Variants in RAB11FIP4 observed in about 807,000 individuals in gnomAD.
RAB11FIP4 encodes RAB11 family interacting protein 4.
RAB11FIP4 carries 23 observed loss-of-function variants against 74.3 expected under a neutral mutation model. The observed-to-expected ratio is 0.31, with a 90% confidence interval of 0.22 to 0.44. The LOEUF (loss-of-function observed/expected upper bound fraction) is 0.44. Ranked by LOEUF, RAB11FIP4 falls within the 20% of genes least tolerant of loss-of-function variation. RAB11FIP4 has a pLI of 1.00. For missense variants in RAB11FIP4, 630 were observed against 863.9 expected, an observed-to-expected ratio of 0.73 and a Z score of 3.39; for synonymous variants, 360 against 359.9, an observed-to-expected ratio of 1.00 and a Z score of 0.00.
chr17:31,487,994 C>T lies in RAB11FIP4; in HGVS notation c.337-29657C>T, dbSNP rs892374524. On this transcript the variant is annotated intron_variant, in intron 3 of 14. Transcript: ENST00000621161. ...CCCGCCCCGCCCCGGCGCGAGGCCC[C>T]GCCCCCGAGTCCCGGGGCCCAGGCG... is the stretch of plus-strand genomic sequence containing the variant. 33 of 995,462 alleles carry T rather than the reference C, an allele frequency of 3.3e-5. No individual in the cohort carries two copies. The African/African-American group carries it at 5.6e-4, about 17-fold the overall frequency. The allele number at this position is 995,462 out of a possible 1,614,324, so 61.7% of individuals were successfully genotyped here.
chr17:31,392,132 T>G, intron 1 of RAB11FIP4, 121 bp downstream of exon 1: 3 of 625,602 alleles, frequency 4.8e-6, no homozygotes, highest in Non-Finnish European at 6.0e-6. Flanking sequence ...CCCAATCCCC[T>G]CCCTCCGCCG....
intron 10 of RAB11FIP4, chr17:31,526,090 T>G (rs2072762294): frequency 6.6e-6 from 1 of 152,288 alleles, no homozygotes; most frequent in African/African-American, 2.4e-5. Context: ...CTCCCCGGTG[T>G]CTGAGACCTG....
intron 3 of RAB11FIP4, among the ~76,000 whole-genome samples, chr17:31,468,589 G>A (rs2071707853): frequency 2.0e-5 from 3 of 152,086 alleles, no homozygotes; most frequent in African/African-American, 7.2e-5. Flanking sequence ...CCAGCACTTT[G>A]GGAGGCCGAG....
At chr17:31,516,953 CCAAT>C (rs1187175978) in intron 3 of RAB11FIP4, among the ~76,000 whole-genome samples, 1 of 151,868 alleles carries the variant, frequency 6.6e-6, no homozygotes, top group Non-Finnish European at 1.5e-5. Context: ...CAGGAGGGGA[CCAAT>C]CAGAGGCCAA....
intron 3 of RAB11FIP4, among the ~76,000 whole-genome samples, chr17:31,493,068 A>AGCCCAGAACC (rs1437721048): frequency 6.6e-6 from 1 of 152,186 alleles, no homozygotes; most frequent in Admixed American, 6.5e-5. Flanking sequence ...AGTGACCTCC[A>AGCCCAGAACC]GCCCAGAACC....
rs200972268 is a variant in RAB11FIP4, at chr17:31,536,935, CGT to C, written c.*5204_*5205del. On this transcript the variant is annotated 3_prime_UTR_variant, in exon 15 of 15. Transcript: ENST00000621161. ...CCATATGACCTCCCTGCCCCGACCT[CGT>C]AGGTTGCTCCTTTCCCCATCTGTAA... 2.5e-6 allele frequency: 1 copy of C among 399,078 alleles called. No homozygotes were observed. Among genetic ancestry groups the C allele is most frequent in the Non-Finnish European group, 4.4e-6 (1 of 226,120 alleles). 24.7% of individuals were successfully genotyped at this position (399,078 alleles called of 1,614,324 possible). A position where few individuals can be genotyped will look rare whatever the true frequency, so the allele number is the denominator to read the frequency against.
intron 1 of RAB11FIP4, among the ~76,000 whole-genome samples, chr17:31,410,020 T>G (rs2071078383): frequency 1.3e-5 from 2 of 152,174 alleles, no homozygotes. Flanking sequence ...TGACCTGGGA[T>G]GGGCCTCTGT....
chr17:31,417,263 C>T (rs1289038383), intron 1 of RAB11FIP4, among the ~76,000 whole-genome samples: 4 of 152,064 alleles, frequency 2.6e-5, no homozygotes, highest in Non-Finnish European at 5.9e-5. Context: ...AGGATCTGGC[C>T]CCAGCACCTG....
At position 31,514,050 on chromosome 17, in the gene RAB11FIP4, G is replaced by T. The variant is rs2072501173; in HGVS notation, c.337-3601G>T. ...CTTGCTGAAGGGCTGGGCAGATGTG[G>T]ACTCTGCTTAGTCCAAGGCTGAAAG... On this transcript the variant is annotated intron_variant, in intron 3 of 14. Transcript: ENST00000621161. 2.0e-5 allele frequency among the ~76,000 whole-genome samples: 3 copies of T among 152,268 alleles called. No homozygotes were observed. The South Asian group carries it at 6.2e-4, about 31-fold the overall frequency.
rs1419946427 is a variant in RAB11FIP4, at chr17:31,391,874, T to C, written c.22T>C (p.Ser8Pro). Residue 8 changes from serine (S) to proline (P), a missense_variant, in exon 1 of 15, where the codon TCG becomes CCG. Physicochemically the swap from Ser to Pro is moderately conservative, Grantham distance 74. Coordinates refer to ENST00000621161, the MANE Select transcript of RAB11FIP4 (RefSeq NM_032932.6). ...CCGGATGGCGGGCGGCGCGGGCTGGTCGGGCGCCCCCGCGGCTCTGCTGCG... is the reference window on the plus strand; with the variant it reads ...CCGGATGGCGGGCGGCGCGGGCTGGCCGGGCGCCCCCGCGGCTCTGCTGCG... Reference protein sequence around the residue: MAGGAGWSGAPAALLRSV... With the variant: MAGGAGWPGAPAALLRSV... The C allele has an allele frequency of 1.7e-6, 2 of 1,175,354 alleles. No individual in the cohort carries two copies. The highest frequency in any genetic ancestry group is 2.1e-6 in the Non-Finnish European group (2 of 955,114). 72.8% of individuals were successfully genotyped at this position (1,175,354 alleles called of 1,614,324 possible).
At chr17:31,454,142 G>C (rs913938362) in intron 3 of RAB11FIP4, among the ~76,000 whole-genome samples, 3 of 152,154 alleles carry the variant, frequency 2.0e-5, no homozygotes, top group Non-Finnish European at 4.4e-5. Flanking sequence ...AACCACACCT[G>C]CCGAGCCAGA....
intron 1 of RAB11FIP4, among the ~76,000 whole-genome samples, chr17:31,417,463 T>C (rs1469443098): frequency 6.6e-6 from 1 of 152,198 alleles, no homozygotes; most frequent in Admixed American, 6.5e-5. Flanking sequence ...TGTCTTCTAT[T>C]GTGGCTGCTA....
rs2072997145 is a variant in RAB11FIP4, at chr17:31,538,049, C to T, written c.*6317C>T. On this transcript the variant is annotated 3_prime_UTR_variant, in exon 15 of 15. Transcript: ENST00000621161. Reference sequence around the variant, plus strand: ...TGGGGTGGGACCTGCCCTGTGGGCCCCAGGGAGGGGACAGTGGGGGTGAGG... The same window carrying T: ...TGGGGTGGGACCTGCCCTGTGGGCCTCAGGGAGGGGACAGTGGGGGTGAGG... The T allele has an allele frequency of 1.3e-5, 2 of 152,296 alleles. No individual in the cohort carries two copies. Among genetic ancestry groups the T allele is most frequent in the African/African-American group, 4.8e-5 (2 of 41,432 alleles). 9.4% of individuals were successfully genotyped at this position (152,296 alleles called of 1,614,324 possible).
chr17:31,475,643 A>AT (rs2071783914), intron 3 of RAB11FIP4, among the ~76,000 whole-genome samples: 2 of 152,140 alleles, frequency 1.3e-5, no homozygotes, highest in Non-Finnish European at 2.9e-5. Flanking sequence ...ATTTGCAAAC[A>AT]TTCTCACGGT....
At chr17:31,530,591 C>A in intron 14 of RAB11FIP4, 122 bp downstream of exon 14, 1 of 1,297,236 alleles carries the variant, frequency 7.7e-7, no homozygotes, top group Non-Finnish European at 1.1e-6. Context: ...CCATCTACAG[C>A]TACCCCACAT....
chr17:31,472,383 C>G (rs1438939327), intron 3 of RAB11FIP4, among the ~76,000 whole-genome samples: 2 of 152,164 alleles, frequency 1.3e-5, no homozygotes, highest in Non-Finnish European at 2.9e-5. Flanking sequence ...GGCAGCCAAG[C>G]TGGGCCTTAC....
At chr17:31,445,562 ATATATATATATATATATTTTTTTTTTTT>A (rs1405206877) in intron 3 of RAB11FIP4, among the ~76,000 whole-genome samples, 12 of 17,418 alleles carry the variant, frequency 6.9e-4, no homozygotes, top group African/African-American at 1.5e-3. Flanking sequence ...ATATATATAT[ATATATATATATATATATTTTTTTTTTTT>A]TTTTTTTTTT....
chr17:31,459,685 T>C (rs948093736), intron 3 of RAB11FIP4, among the ~76,000 whole-genome samples: 4 of 151,962 alleles, frequency 2.6e-5, no homozygotes, highest in African/African-American at 7.3e-5. Flanking sequence ...AATTCCCTGT[T>C]TCTTGCAGCA....
At chr17:31,459,615 TC>T (rs915650970) in intron 3 of RAB11FIP4, among the ~76,000 whole-genome samples, 2 of 152,146 alleles carry the variant, frequency 1.3e-5, no homozygotes, top group African/African-American at 4.8e-5. Context: ...ACTCAGGACT[TC>T]CCAGGCACTG....
Sources: allele counts gnomAD v4.1 joint callset (sites outside exome capture counted in the v4.1 genomes callset), GRCh38; gene constraint gnomAD v4.1.1; transcripts MANE v1.5; gene names NCBI Gene and HGNC (gene_info 2026-07-23, HGNC 2026-07-21).